SNTG2: variants seen among roughly 807,000 people sequenced by gnomAD.
The protein encoded by SNTG2 is syntrophin gamma 2.
In SNTG2, 74 loss-of-function variants were observed where a neutral mutation model predicts 70.9. That is an observed-to-expected ratio of 1.04 (90% CI 0.86 to 1.27). SNTG2 has a LOEUF of 1.27. Among genes scored for constraint, SNTG2 ranks in the 50% most tolerant of loss-of-function variants. The pLI is 0.00. For missense variants in SNTG2, 717 were observed against 690.7 expected (o/e 1.04, Z -0.43); for synonymous variants, 278 against 273.8 (o/e 1.02, Z -0.15).
At position 1,267,408 on chromosome 2, in the gene SNTG2, T is replaced by G; in HGVS notation, c.1121T>G (p.Leu374Arg). 6.2e-7 allele frequency: 1 copy of G among 1,610,676 alleles called. No individual in the cohort carries two copies. Among genetic ancestry groups the G allele is most frequent in the Non-Finnish European group, 8.5e-7 (1 of 1,178,392 alleles). Residue 374 changes from leucine (L) to arginine (R), a missense_variant, in exon 14 of 17, where the codon CTG (leucine) becomes CGG (arginine). Transcript: ENST00000308624. ...TGCTGGTTGCAAGCAAACTTGTATCTGGGTCTTCAAGATTTTGACTTTGAG... is the reference window on the plus strand; with the variant it reads ...TGCTGGTTGCAAGCAAACTTGTATCGGGGTCTTCAAGATTTTGACTTTGAG... ...EDCWLQANLY[L>R]GLQDFDFEDQ... is the part of the protein sequence containing the mutation.
At chr2:1,132,812 T>C (rs6548198) in intron 4 of SNTG2, among the ~76,000 whole-genome samples, 150,354 of 152,340 alleles carry the variant, frequency 0.99, 74,231 homozygotes, top group East Asian at 1. Flanking sequence ...CCTCCAGTTT[T>C]AGAGCTAAAC....
At chr2:1,199,944 A>T (rs574208718) in intron 8 of SNTG2, among the ~76,000 whole-genome samples, 1 of 152,096 alleles carries the variant, frequency 6.6e-6, no homozygotes. Flanking sequence ...TATTTCCTAA[A>T]GCATTTAACA....
chr2:1,281,186 G>A (rs938385349), intron 14 of SNTG2, among the ~76,000 whole-genome samples: 3 of 151,568 alleles, frequency 2.0e-5, no homozygotes, highest in Admixed American at 6.6e-5. Context: ...GTGGTCTGTG[G>A]TGGTGTGTGT....
At chr2:1,245,046 T>C (rs1398559966) in intron 11 of SNTG2, among the ~76,000 whole-genome samples, 1 of 143,702 alleles carries the variant, frequency 7.0e-6, no homozygotes. Flanking sequence ...CCGCATGTTC[T>C]CACTCATAGA....
intron 16 of SNTG2, among the ~76,000 whole-genome samples, chr2:1,359,196 T>A (rs1362831494): frequency 6.6e-6 from 1 of 152,168 alleles, no homozygotes; most frequent in Non-Finnish European, 1.5e-5. Flanking sequence ...ATAGTATTTT[T>A]AAAATTTTGT....
At chr2:1,149,705 T>TTTTTTTTTTTTTTTTTTC (rs1558458440) in intron 6 of SNTG2, among the ~76,000 whole-genome samples, 1 of 4,320 alleles carries the variant, frequency 2.3e-4, no homozygotes, top group Non-Finnish European at 5.4e-4. Context: ...TTTTTTTTTT[T>TTTTTTTTTTTTTTTTTTC]CAAATGGAAT....
chr2:1,346,431 G>A (rs560105842), intron 16 of SNTG2: 1 of 152,490 alleles, frequency 6.6e-6, no homozygotes, highest in African/African-American at 2.4e-5. Flanking sequence ...CAGCTCTGAT[G>A]TCCGGACTTG....
chr2:974,872 T>C (rs1660858986), intron 1 of SNTG2, among the ~76,000 whole-genome samples: 2 of 152,188 alleles, frequency 1.3e-5, no homozygotes, highest in African/African-American at 4.8e-5. Flanking sequence ...CACTATGCCT[T>C]CTCATGGCTT....
chr2:1,033,552 A>C (rs1379122847), intron 1 of SNTG2, among the ~76,000 whole-genome samples: 2 of 151,838 alleles, frequency 1.3e-5, no homozygotes, highest in Non-Finnish European at 2.9e-5. Context: ...CATAAAGCTT[A>C]CTCTTCCCAG....
intron 1 of SNTG2, among the ~76,000 whole-genome samples, chr2:972,120 T>TG (rs1660764083): frequency 6.6e-6 from 1 of 152,162 alleles, no homozygotes; most frequent in Admixed American, 6.5e-5. Flanking sequence ...TTCTGTTGTT[T>TG]GGGGGTATAG....
chr2:1,316,300 G>A lies in SNTG2; in HGVS notation c.1413G>A (p.Lys471=), dbSNP rs1375693336. 6 of 1,549,762 alleles carry A rather than the reference G, an allele frequency of 3.9e-6. No homozygotes were observed. The highest frequency in any genetic ancestry group is 5.2e-6 in the Non-Finnish European group (6 of 1,145,504). ...VLWRFKFSQL[K]GSSDDGKTRV... Reference sequence around the variant, plus strand: ...GGAGATTTAAATTTTCCCAGCTTAAGGGATCTTCAGATGATGGGAAAACTC... The same window carrying A: ...GGAGATTTAAATTTTCCCAGCTTAAAGGATCTTCAGATGATGGGAAAACTC... The change falls in exon 16 of 17, where the codon AAG becomes AAA. Residue 471 remains lysine, a synonymous_variant. Coordinates refer to ENST00000308624, the MANE Select transcript of SNTG2 (RefSeq NM_018968.4).
intron 4 of SNTG2, among the ~76,000 whole-genome samples, chr2:1,104,306 A>C (rs1665979605): frequency 6.6e-6 from 1 of 152,234 alleles, no homozygotes; most frequent in Admixed American, 6.5e-5. Flanking sequence ...TAGGGTTAAT[A>C]ACTTCCTAGT....
At chr2:1,312,603 C>T (rs952719663) in intron 15 of SNTG2, among the ~76,000 whole-genome samples, 20 of 152,188 alleles carry the variant, frequency 1.3e-4, no homozygotes, top group Middle Eastern at 6.3e-3. Context: ...AGAACCACCG[C>T]AGGATTCACT....
intron 16 of SNTG2, among the ~76,000 whole-genome samples, chr2:1,335,131 G>A (rs779016047): frequency 5.3e-5 from 8 of 152,108 alleles, no homozygotes; most frequent in African/African-American, 7.2e-5. Context: ...ACCCTAAAGC[G>A]CACTGAGCCT....
chr2:977,724 A>T (rs1434297411), intron 1 of SNTG2, among the ~76,000 whole-genome samples: 1 of 151,842 alleles, frequency 6.6e-6, no homozygotes. Flanking sequence ...CCTCACCTTA[A>T]CTAGACCTTA....
chr2:1,020,360 C>G (rs537320538), intron 1 of SNTG2, among the ~76,000 whole-genome samples: 5 of 152,326 alleles, frequency 3.3e-5, no homozygotes, highest in Admixed American at 6.5e-5. Flanking sequence ...CTTCTGGCCC[C>G]TGGACTGGCC....
In SNTG2 at chr2:1,173,151, G is replaced by A. The variant is rs567910526; in HGVS notation, c.559G>A (p.Gly187Ser). 52 of 1,613,924 alleles carry A rather than the reference G, an allele frequency of 3.2e-5. No homozygotes were observed. The highest frequency in any genetic ancestry group is 1.7e-4 in the Middle Eastern group (1 of 6,060). ...SGASSPLFDS[G>S]LHLNGNSSTT... ...GGCCTCCTCTCCCCTCTTTGACAGCGGTTTGCATCTGAACGGAAACTCCAG... is the reference window on the plus strand; with the variant it reads ...GGCCTCCTCTCCCCTCTTTGACAGCAGTTTGCATCTGAACGGAAACTCCAG... Residue 187 changes from glycine to serine, a missense_variant, in exon 8 of 17, where the codon GGT (glycine) becomes AGT (serine). Gly to Ser is a moderately conservative substitution (Grantham distance 56, BLOSUM62 0). Coordinates refer to ENST00000308624, the MANE Select transcript of SNTG2 (RefSeq NM_018968.4).
intron 1 of SNTG2, among the ~76,000 whole-genome samples, chr2:1,035,022 C>T (rs1172456831): frequency 1.3e-5 from 2 of 152,196 alleles, no homozygotes; most frequent in Non-Finnish European, 2.9e-5. Context: ...ACTCTCTCAA[C>T]CACAGTGCAA....
intron 1 of SNTG2, among the ~76,000 whole-genome samples, chr2:1,051,951 C>T (rs989584521): frequency 6.6e-6 from 1 of 152,202 alleles, no homozygotes; most frequent in Non-Finnish European, 1.5e-5. Context: ...CGCTGATTTT[C>T]AAATGGTAAA....
Sources: allele counts gnomAD v4.1 joint callset (sites outside exome capture counted in the v4.1 genomes callset), GRCh38; gene constraint gnomAD v4.1.1; transcripts MANE v1.5; gene names NCBI Gene and HGNC (gene_info 2026-07-23, HGNC 2026-07-21).